PDE10A: variants seen among roughly 807,000 people sequenced by gnomAD.
The protein encoded by PDE10A is phosphodiesterase 10A.
In PDE10A, 39 loss-of-function variants were observed where a neutral mutation model predicts 97.7. The ratio of observed to expected loss-of-function variants is 0.40; its 90% CI spans 0.31 to 0.52. The LOEUF (loss-of-function observed/expected upper bound fraction) is 0.52. Ranked by LOEUF, PDE10A falls within the 20% of genes least tolerant of loss-of-function variation. The probability of loss-of-function intolerance (pLI) is 0.56; values close to 1 mark genes in which losing one functional copy is unlikely to be tolerated. For synonymous variants in PDE10A, 371 were observed against 376.8 expected (o/e 0.98, Z 0.18); for missense variants, 731 against 1,047.8 (o/e 0.70, Z 4.17).
chr6:165,739,042 A>C (rs1345573901), intron 1 of PDE10A, among the ~76,000 whole-genome samples: 1 of 152,230 alleles, frequency 6.6e-6, no homozygotes, highest in Admixed American at 6.5e-5. Context: ...TGGAAGAATT[A>C]ATGTTAAAAT....
chr6:165,702,010 C>G (rs1399766186), intron 1 of PDE10A, among the ~76,000 whole-genome samples: 1 of 152,136 alleles, frequency 6.6e-6, no homozygotes, highest in Admixed American at 6.5e-5. Context: ...AACTACAGGA[C>G]AAGTGGGGAG....
chr6:165,436,562 T>A (rs1385723129), intron 5 of PDE10A, among the ~76,000 whole-genome samples: 1 of 152,158 alleles, frequency 6.6e-6, no homozygotes, highest in Non-Finnish European at 1.5e-5. Flanking sequence ...AATACTTGTA[T>A]TTCCAAGTAT....
At chr6:165,846,838 C>T (rs1469250432) in intron 1 of PDE10A, among the ~76,000 whole-genome samples, 1 of 152,206 alleles carries the variant, frequency 6.6e-6, no homozygotes, top group Non-Finnish European at 1.5e-5. Context: ...TCCCGGACGC[C>T]TGAAAAAGCT....
intron 1 of PDE10A, among the ~76,000 whole-genome samples, chr6:165,892,342 G>A (rs187414552): frequency 3.1e-4 from 47 of 152,306 alleles, no homozygotes; most frequent in African/African-American, 1.1e-3. Context: ...TCATTCCCCA[G>A]CACTCTCTGA....
At chr6:165,779,152 A>G (rs1484617133) in intron 1 of PDE10A, among the ~76,000 whole-genome samples, 1 of 152,230 alleles carries the variant, frequency 6.6e-6, no homozygotes, top group African/African-American at 2.4e-5. Flanking sequence ...CCTTCCACAC[A>G]AACTATTAGG....
At chr6:165,394,284 T>C (rs1785959405) in intron 15 of PDE10A, among the ~76,000 whole-genome samples, 1 of 152,262 alleles carries the variant, frequency 6.6e-6, no homozygotes, top group South Asian at 2.1e-4. Flanking sequence ...GTTCTCACTG[T>C]TCAACTTCCA....
Position 165,917,967 on chromosome 6 carries a change from A to G in PDE10A, c.-615+69562T>C, listed in dbSNP as rs143619954. 6.2e-3 allele frequency among the ~76,000 whole-genome samples: 949 copies of G among 152,322 alleles called. 5 individuals carry two copies. The highest frequency in any genetic ancestry group is 0.034 in the Middle Eastern group (10 of 294). ...CCACTGGCGCGCTGTCTTATCACCC[A>G]CAAATGGTTGATAAATACTGGACGT... On this transcript the variant is annotated intron_variant, in intron 1 of 19. Coordinates refer to the PDE10A transcript ENST00000366882.
intron 1 of PDE10A, among the ~76,000 whole-genome samples, chr6:165,625,142 G>C (rs1788323778): frequency 6.6e-6 from 1 of 152,212 alleles, no homozygotes; most frequent in Non-Finnish European, 1.5e-5. Flanking sequence ...GGGCAATGGG[G>C]AGGACTCTGG....
chr6:165,786,998 G>A (rs1778514998), intron 1 of PDE10A, among the ~76,000 whole-genome samples: 1 of 152,070 alleles, frequency 6.6e-6, no homozygotes, highest in South Asian at 2.1e-4. Flanking sequence ...AAGTATAAGT[G>A]AGTAATTAAA....
At chr6:165,735,012 GATAGGTAGGTAGT>G (rs1189037048) in intron 1 of PDE10A, among the ~76,000 whole-genome samples, 7 of 132,098 alleles carry the variant, frequency 5.3e-5, no homozygotes, top group African/African-American at 2.3e-4. Flanking sequence ...TAGGTAGGTA[GATAGGTAGGTAGT>G]TAGGTAGGTA....
chr6:165,627,217 A>C (rs1788428904), intron 1 of PDE10A, among the ~76,000 whole-genome samples: 1 of 152,246 alleles, frequency 6.6e-6, no homozygotes, highest in South Asian at 2.1e-4. Context: ...AGGTCTCACA[A>C]TGTAACATAA....
At chr6:165,696,240 T>A (rs1430898361) in intron 1 of PDE10A, among the ~76,000 whole-genome samples, 1 of 152,230 alleles carries the variant, frequency 6.6e-6, no homozygotes, top group African/African-American at 2.4e-5. Context: ...TGGTCCTTTT[T>A]TATCCCAGGT....
At chr6:165,909,242 C>T (rs528865470) in intron 1 of PDE10A, among the ~76,000 whole-genome samples, 1 of 152,314 alleles carries the variant, frequency 6.6e-6, no homozygotes, top group Admixed American at 6.5e-5. Flanking sequence ...GGGCCCCTGG[C>T]TGGGGCTGTG....
In PDE10A at chr6:165,700,449, G is replaced by A. The variant is rs116391853; in HGVS notation, c.-614-156881C>T. 3.7e-3 allele frequency among the ~76,000 whole-genome samples: 560 copies of A among 152,312 alleles called. 2 individuals carry two copies. The highest frequency in any genetic ancestry group is 0.013 in the African/African-American group (537 of 41,572). ...ACTATTAAATTGCACATTTCACACA[G>A]GCGAATTACATGGTGTGTGAATGAT... On this transcript the variant is annotated intron_variant, in intron 1 of 19. Coordinates refer to the PDE10A transcript ENST00000366882.
rs193229486 is a variant in PDE10A at position 165,894,880 on chromosome 6, C to T, written c.-615+92649G>A. Among the ~76,000 whole-genome samples, 27 of 152,304 alleles carry T rather than the reference C, an allele frequency of 1.8e-4. 1 individual carries two copies. In the East Asian group the frequency reaches 5.0e-3, roughly 28 times the overall value. ...CATTAGCCAGAGCAGTGGCTCTCAA[C>T]CTGGGGTAAGTATTAGAAACCCATG... On this transcript the variant is annotated intron_variant, in intron 1 of 19. Coordinates refer to the PDE10A transcript ENST00000366882.
At chr6:165,832,605 C>T (rs9459513) in intron 1 of PDE10A, among the ~76,000 whole-genome samples, 2,048 of 152,262 alleles carry the variant, frequency 0.013, 38 homozygotes, top group African/African-American at 0.046. Flanking sequence ...TCTCCGTGGC[C>T]CTAAACAACC....
At chr6:165,614,403 A>C (rs1787631533) in intron 1 of PDE10A, among the ~76,000 whole-genome samples, 2 of 152,040 alleles carry the variant, frequency 1.3e-5, no homozygotes, top group South Asian at 4.1e-4. Flanking sequence ...TCCTAGGATA[A>C]CTCCAAGCAC....
chr6:165,606,405 T>C (rs1787211985), intron 1 of PDE10A, among the ~76,000 whole-genome samples: 3 of 152,128 alleles, frequency 2.0e-5, no homozygotes, highest in African/African-American at 7.2e-5. Context: ...CTCCTTCCTC[T>C]ACCTTGTTCT....
At chr6:165,705,449 C>T (rs1246514053) in intron 1 of PDE10A, among the ~76,000 whole-genome samples, 1 of 152,208 alleles carries the variant, frequency 6.6e-6, no homozygotes, top group African/African-American at 2.4e-5. Flanking sequence ...TTAAAGCTAA[C>T]GTTAGTGGTT....
Sources: gnomAD v4.1 joint callset for allele counts (sites outside exome capture counted in the v4.1 genomes callset) on GRCh38, gnomAD v4.1.1 for gene constraint, MANE v1.5 for transcripts, NCBI Gene and HGNC (gene_info 2026-07-23, HGNC 2026-07-21) for gene names.